The following SNX29 variants were observed in gnomAD, a reference collection of about 807,000 sequenced individuals.
The protein encoded by SNX29 is sorting nexin-29.
SNX29 carries 78 observed loss-of-function variants against 102.1 expected under a neutral mutation model. That is an observed-to-expected ratio of 0.76 (90% CI 0.64 to 0.92). The LOEUF is 0.92. Among genes scored for constraint, SNX29 ranks in the 40% least tolerant of loss-of-function variants. SNX29 has a pLI of 0.00. For synonymous variants in SNX29, 580 were observed against 414.5 expected (o/e 1.40, Z -4.85); for missense variants, 1,280 against 1,061.7 (o/e 1.21, Z -2.86).
intron 19 of SNX29, among the ~76,000 whole-genome samples, chr16:12,481,552 A>ACCCC (rs1457637581): frequency 1.1e-4 from 13 of 119,502 alleles, no homozygotes; most frequent in Admixed American, 2.4e-4. Context: ...ACACACACAC[A>ACCCC]CACCCCAAAT....
Position 12,571,744 on chromosome 16 carries a change from C to G in SNX29, c.*3115C>G. On this transcript the variant is annotated 3_prime_UTR_variant, in exon 21 of 21. Transcript: ENST00000566228. The stretch of plus-strand genomic sequence containing the variant: ...CTTAAAGGCTGCTAGAAACCTAGCC[C>G]AACCATCCACTCCTGATCTGAGACA... 2 of 1,017,680 alleles carry G rather than the reference C, an allele frequency of 2.0e-6. No homozygotes were observed. The highest frequency in any genetic ancestry group is 5.1e-5 in the East Asian group (1 of 19,514). 63.0% of individuals were successfully genotyped at this position (1,017,680 alleles called of 1,614,324 possible).
At chr16:12,201,357 G>A (rs561512657) in intron 14 of SNX29, among the ~76,000 whole-genome samples, 1 of 152,190 alleles carries the variant, frequency 6.6e-6, no homozygotes, top group South Asian at 2.1e-4. Flanking sequence ...TTACATACTT[G>A]GAATGAATAG....
At chr16:11,988,306 A>G (rs1445839412) in intron 1 of SNX29, among the ~76,000 whole-genome samples, 1 of 151,906 alleles carries the variant, frequency 6.6e-6, no homozygotes, top group African/African-American at 2.4e-5. Flanking sequence ...AAAAAAAAAA[A>G]AAAAGTTTAT....
chr16:12,426,987 T>A (rs1017855406), intron 18 of SNX29, among the ~76,000 whole-genome samples: 3 of 152,208 alleles, frequency 2.0e-5, no homozygotes, highest in Admixed American at 1.3e-4. Context: ...ATCTAATATG[T>A]CAGCTTGGAA....
chr16:12,048,770 T>A (rs1243937969), intron 7 of SNX29, 150 bp downstream of exon 7: 17 of 1,378,858 alleles, frequency 1.2e-5, no homozygotes, highest in Middle Eastern at 2.3e-4. Context: ...CTCATCCTCA[T>A]TCACTCTGAA....
intron 18 of SNX29, 60 bp downstream of exon 18, chr16:12,403,589 G>A (rs1337576700): frequency 6.7e-7 from 1 of 1,495,728 alleles, no homozygotes; most frequent in African/African-American, 1.4e-5. Flanking sequence ...CATTTGTCAT[G>A]CTGTGGTGCT....
At chr16:12,408,172 AC>A (rs1567533239) in intron 18 of SNX29, among the ~76,000 whole-genome samples, 37 of 150,624 alleles carry the variant, frequency 2.5e-4, no homozygotes, top group African/African-American at 7.2e-4. Context: ...AAACAAACAA[AC>A]AAACAAAAAA....
intron 20 of SNX29, among the ~76,000 whole-genome samples, chr16:12,554,390 C>T (rs112458862): frequency 6.6e-6 from 1 of 151,978 alleles, no homozygotes; most frequent in African/African-American, 2.4e-5. Context: ...GTGCCCCGTG[C>T]ATGGGTGTGC....
chr16:12,203,215 G>C (rs941853676), intron 14 of SNX29, among the ~76,000 whole-genome samples: 1 of 150,934 alleles, frequency 6.6e-6, no homozygotes, highest in Non-Finnish European at 1.5e-5. Flanking sequence ...GTTGTATAGC[G>C]TGGCCCCACT....
intron 16 of SNX29, among the ~76,000 whole-genome samples, chr16:12,366,651 G>A (rs1019401438): frequency 3.3e-5 from 5 of 152,162 alleles, no homozygotes; most frequent in Non-Finnish European, 7.3e-5. Flanking sequence ...GGAACTTTGG[G>A]CCTCTGCCAC....
rs2055306991 is a variant in SNX29, at chr16:11,976,738, G to A, written c.-69G>A. ...GGGGCTCCTGTCTCCCGGCCTGTCTGGAGCTCGGCAGCCGCAGAAGCGGCA... is the reference window on the plus strand; with the variant it reads ...GGGGCTCCTGTCTCCCGGCCTGTCTAGAGCTCGGCAGCCGCAGAAGCGGCA... On this transcript the variant is annotated 5_prime_UTR_variant, in exon 1 of 21. Transcript: ENST00000566228. 2 of 1,193,432 alleles carry A rather than the reference G, an allele frequency of 1.7e-6. No homozygotes were observed. Among genetic ancestry groups the A allele is most frequent in the Non-Finnish European group, 2.2e-6 (2 of 930,226 alleles). The allele number at this position is 1,193,432 out of a possible 1,614,324, so 73.9% of individuals were successfully genotyped here. A position where few individuals can be genotyped will look rare whatever the true frequency, so the allele number is the denominator to read the frequency against.
intron 13 of SNX29, among the ~76,000 whole-genome samples, chr16:12,192,381 C>T (rs753050915): frequency 6.6e-6 from 1 of 152,260 alleles, no homozygotes; most frequent in East Asian, 1.9e-4. Flanking sequence ...CCTCTCAGTT[C>T]TGGCCACCAT....
intron 18 of SNX29, among the ~76,000 whole-genome samples, chr16:12,413,805 C>G (rs972041669): frequency 4.6e-5 from 7 of 152,332 alleles, no homozygotes; most frequent in Non-Finnish European, 4.4e-5. Flanking sequence ...TGAGAGTGGC[C>G]TTACTCACTT....
At chr16:12,555,055 C>T (rs2078242415) in intron 20 of SNX29, among the ~76,000 whole-genome samples, 1 of 151,472 alleles carries the variant, frequency 6.6e-6, no homozygotes, top group African/African-American at 2.4e-5. Flanking sequence ...CCTCAAGAGG[C>T]TGGTTGGAGT....
chr16:12,235,687 A>G (rs546548024), intron 14 of SNX29, among the ~76,000 whole-genome samples: 2 of 152,208 alleles, frequency 1.3e-5, no homozygotes, highest in Admixed American at 6.5e-5. Flanking sequence ...TAAAAAAAAG[A>G]CTTGCATCCA....
intron 18 of SNX29, among the ~76,000 whole-genome samples, chr16:12,461,062 G>C (rs568020100): frequency 2.0e-5 from 3 of 152,204 alleles, no homozygotes; most frequent in African/African-American, 4.8e-5. Flanking sequence ...AGTTAGATGC[G>C]ATAATTGCCC....
chr16:12,161,517 C>G, intron 13 of SNX29, among the ~76,000 whole-genome samples: 1 of 152,200 alleles, frequency 6.6e-6, no homozygotes, highest in East Asian at 1.9e-4. Flanking sequence ...TCTACCTTAC[C>G]CTTCAGGCCT....
intron 20 of SNX29, among the ~76,000 whole-genome samples, chr16:12,551,276 C>G (rs1253913756): frequency 1.3e-5 from 2 of 152,142 alleles, no homozygotes; most frequent in African/African-American, 4.8e-5. Flanking sequence ...CAGACACCGT[C>G]AAATGTTTAA....
chr16:12,313,049 CTG>C (rs2080613566), intron 15 of SNX29, among the ~76,000 whole-genome samples: 1 of 151,082 alleles, frequency 6.6e-6, no homozygotes, highest in East Asian at 2.0e-4. Context: ...GAGTATCACT[CTG>C]TCACCCAGGG....
Sources: gnomAD v4.1 joint callset for allele counts (sites outside exome capture counted in the v4.1 genomes callset) on GRCh38, gnomAD v4.1.1 for gene constraint, MANE v1.5 for transcripts, NCBI Gene and HGNC (gene_info 2026-07-23, HGNC 2026-07-21) for gene names.